The following PRKCB variants were observed in gnomAD, a reference collection of about 807,000 sequenced individuals.
PRKCB encodes protein kinase C beta, also known as protein kinase C beta type.
Under a neutral mutation model 81.5 loss-of-function variants are expected in PRKCB, and 13 were observed. The observed-to-expected ratio is 0.16, with a 90% CI of 0.10 to 0.25. PRKCB has a LOEUF of 0.25. Ranked by LOEUF, PRKCB falls within the 10% of genes least tolerant of loss-of-function variation. The pLI, the probability that PRKCB is intolerant of heterozygous loss-of-function variation, is 1.00. For synonymous variants in PRKCB, 335 were observed against 321.4 expected (o/e 1.04, Z -0.45); for missense variants, 509 against 875.7 (o/e 0.58, Z 5.29).
At chr16:23,969,543 A>G (rs1964529713) in intron 2 of PRKCB, among the ~76,000 whole-genome samples, 1 of 152,180 alleles carries the variant, frequency 6.6e-6, no homozygotes, top group Admixed American at 6.5e-5. Flanking sequence ...TAAAATGAGG[A>G]TGTTAGTAGT....
chr16:24,021,188 CTCTT>C (rs58292773), intron 3 of PRKCB, among the ~76,000 whole-genome samples: 10,791 of 61,918 alleles, frequency 0.17, 1,421 homozygotes, highest in Non-Finnish European at 0.23. Flanking sequence ...CCCTTCCTTC[CTCTT>C]TCTTTCTTTC....
chr16:23,850,998 G>T (rs962594633), intron 2 of PRKCB, among the ~76,000 whole-genome samples: 9 of 152,176 alleles, frequency 5.9e-5, no homozygotes, highest in African/African-American at 1.7e-4. Flanking sequence ...TGAGTTCTTT[G>T]TATATTTTGG....
Position 23,936,614 on chromosome 16 carries a change from G to C in PRKCB, c.206-51894G>C, listed in dbSNP as rs186684994. On this transcript the variant is annotated intron_variant, in intron 2 of 16. Coordinates refer to ENST00000643927, the MANE Select transcript of PRKCB (RefSeq NM_002738.7). The stretch of plus-strand genomic sequence containing the variant: ...TTTTTTTTTTTTTTTTGCATTTTTG[G>C]TAGAGACAGAGTTTCACCATGTTGC... Among the ~76,000 whole-genome samples the C allele has an allele frequency of 1.3e-3, 163 of 125,206 alleles. 1 individual carries two copies. The highest frequency in any genetic ancestry group is 2.2e-3 in the Non-Finnish European group (135 of 60,138). The allele number at this position is 125,206 out of a possible 152,430, so 82.1% of individuals were successfully genotyped here.
At chr16:24,134,475 A>G (rs1441223798) in intron 9 of PRKCB, among the ~76,000 whole-genome samples, 1 of 152,156 alleles carries the variant, frequency 6.6e-6, no homozygotes, top group Non-Finnish European at 1.5e-5. Flanking sequence ...AGCTGGATGC[A>G]GTGGGTCATA....
rs1966828487 is a variant in PRKCB at position 24,123,779 on chromosome 16, C to T, written c.919-56C>T. The T allele has an allele frequency of 2.5e-6, 4 of 1,585,186 alleles. No individual in the cohort carries two copies. The African/African-American group carries it at 4.0e-5, about 16-fold the overall frequency. ...GCTTCCCATTGTGTGCCTGTGCCTT[C>T]CTACAAGATCGTCCTCAAACCCTGA... On this transcript the variant is annotated intron_variant, in intron 8 of 16. Coordinates refer to ENST00000643927, the MANE Select transcript of PRKCB (RefSeq NM_002738.7).
At position 24,047,348 on chromosome 16, in the gene PRKCB, T is replaced by A. The variant is rs544220695; in HGVS notation, c.529+11801T>A. On this transcript the variant is annotated intron_variant, in intron 5 of 16. Coordinates refer to ENST00000643927, the MANE Select transcript of PRKCB (RefSeq NM_002738.7). Reference sequence around the variant, plus strand: ...CAGAGTGAGACTCCATCTCAAAAAATAAATAAATAAAATAAAATAAAATAA... The same window carrying A: ...CAGAGTGAGACTCCATCTCAAAAAAAAAATAAATAAAATAAAATAAAATAA... Among the ~76,000 whole-genome samples, 44 of 151,398 alleles carry A rather than the reference T, an allele frequency of 2.9e-4. 1 individual carries two copies. Among genetic ancestry groups the A allele is most frequent in the Non-Finnish European group, 2.9e-5 (2 of 67,834 alleles).
At chr16:23,924,570 T>C (rs1237727025) in intron 2 of PRKCB, among the ~76,000 whole-genome samples, 3 of 152,084 alleles carry the variant, frequency 2.0e-5, no homozygotes, top group Non-Finnish European at 4.4e-5. Flanking sequence ...ATATATTAAT[T>C]AATTTTTCAA....
intron 7 of PRKCB, 80 bp from the exon 8 acceptor site, chr16:24,112,893 G>T: frequency 1.0e-6 from 1 of 985,314 alleles, no homozygotes; most frequent in Non-Finnish European, 1.5e-6. Context: ...CTTTATATAG[G>T]CCTCCTTTTC....
rs563995736 is a variant in PRKCB at position 24,044,772 on chromosome 16, G to T, written c.529+9225G>T. ...ACAATCTGCAAAATGTAAAATATTT[G>T]TTCTCTGGCCTTTACTGAAAACATT... On this transcript the variant is annotated intron_variant, in intron 5 of 16. Coordinates refer to ENST00000643927, the MANE Select transcript of PRKCB (RefSeq NM_002738.7). 1.1e-3 allele frequency among the ~76,000 whole-genome samples: 172 copies of T among 152,314 alleles called. 1 individual carries two copies. Among genetic ancestry groups the T allele is most frequent in the African/African-American group, 3.9e-3 (164 of 41,566 alleles).
intron 5 of PRKCB, among the ~76,000 whole-genome samples, chr16:24,080,331 G>A (rs1404820152): frequency 1.3e-5 from 2 of 152,182 alleles, no homozygotes; most frequent in Admixed American, 1.3e-4. Context: ...AGATGGCAGT[G>A]ATATGAATAG....
At chr16:24,085,161 A>T (rs768578568) in intron 5 of PRKCB, among the ~76,000 whole-genome samples, 1 of 151,644 alleles carries the variant, frequency 6.6e-6, no homozygotes, top group Non-Finnish European at 1.5e-5. Context: ...AAAAAAAAAA[A>T]AAGCCAGGTA....
intron 2 of PRKCB, among the ~76,000 whole-genome samples, chr16:23,886,421 T>TG (rs1963203729): frequency 7.0e-6 from 1 of 143,376 alleles, no homozygotes; most frequent in African/African-American, 2.6e-5. Context: ...TTTTTTTTTT[T>TG]TTTTTTTTTT....
At chr16:23,896,803 T>G (rs544376986) in intron 2 of PRKCB, among the ~76,000 whole-genome samples, 1 of 152,200 alleles carries the variant, frequency 6.6e-6, no homozygotes, top group Non-Finnish European at 1.5e-5. Context: ...GTGAAGTTAA[T>G]CTCTTATAGG....
At chr16:23,934,415 C>T (rs865963249) in intron 2 of PRKCB, among the ~76,000 whole-genome samples, 3 of 151,110 alleles carry the variant, frequency 2.0e-5, no homozygotes, top group Non-Finnish European at 2.9e-5. Flanking sequence ...TGGCTTCAGG[C>T]GTGGCTTTGT....
chr16:24,048,592 C>G (rs777905292), intron 5 of PRKCB, among the ~76,000 whole-genome samples: 4 of 151,898 alleles, frequency 2.6e-5, no homozygotes, highest in African/African-American at 9.7e-5. Context: ...CTGGTTCCAG[C>G]GATTCTCCTG....
At chr16:23,898,228 G>A (rs1295696719) in intron 2 of PRKCB, among the ~76,000 whole-genome samples, 3 of 152,034 alleles carry the variant, frequency 2.0e-5, no homozygotes, top group Admixed American at 1.3e-4. Context: ...ACCACACCTC[G>A]CTAATTTTTT....
intron 2 of PRKCB, among the ~76,000 whole-genome samples, chr16:23,917,081 T>C (rs957513940): frequency 3.3e-5 from 5 of 151,860 alleles, no homozygotes; most frequent in African/African-American, 1.2e-4. Context: ...CAATGTCTCA[T>C]TCTATTTTTA....
At chr16:24,120,312 G>A (rs988400536) in intron 8 of PRKCB, among the ~76,000 whole-genome samples, 41 of 152,330 alleles carry the variant, frequency 2.7e-4, no homozygotes, top group African/African-American at 7.9e-4. Context: ...AACTGTGCAC[G>A]TGAGATTGGT....
chr16:24,077,565 A>C (rs1033802249), intron 5 of PRKCB, among the ~76,000 whole-genome samples: 1 of 152,110 alleles, frequency 6.6e-6, no homozygotes, highest in Admixed American at 6.5e-5. Context: ...TAACCCATCC[A>C]TCCATCCACT....
Sources: gnomAD v4.1 joint callset for allele counts (sites outside exome capture counted in the v4.1 genomes callset) on GRCh38, gnomAD v4.1.1 for gene constraint, MANE v1.5 for transcripts, NCBI Gene and HGNC (gene_info 2026-07-23, HGNC 2026-07-21) for gene names.